The following GRIN2A variants were observed in gnomAD, a reference collection of about 807,000 sequenced individuals.
The protein encoded by GRIN2A is glutamate receptor ionotropic, NMDA 2A.
In GRIN2A, 22 loss-of-function variants were observed where a neutral mutation model predicts 113.4. The ratio of observed to expected loss-of-function variants is 0.19; its 90% CI spans 0.14 to 0.28. GRIN2A has a LOEUF of 0.28. GRIN2A is among the 10% of genes least tolerant of loss of function. The pLI is 1.00. For synonymous variants in GRIN2A, 827 were observed against 738.4 expected (o/e 1.12, Z -1.94); for missense variants, 1,502 against 1,887.0 (o/e 0.80, Z 3.78).
chr16:10,147,417 T>C (rs35001046), intron 2 of GRIN2A, among the ~76,000 whole-genome samples: 88,381 of 144,568 alleles, frequency 0.61, 27,322 homozygotes, highest in East Asian at 0.92. Flanking sequence ...GAGACCAGGC[T>C]TGGGCAACAT....
chr16:9,930,392 A>C (rs907440885), intron 3 of GRIN2A, among the ~76,000 whole-genome samples: 1 of 152,222 alleles, frequency 6.6e-6, no homozygotes, highest in African/African-American at 2.4e-5. Context: ...GGGTTTGAAC[A>C]CAGCACTGTC....
At chr16:10,159,595 G>A (rs746747228) in intron 2 of GRIN2A, among the ~76,000 whole-genome samples, 7 of 152,128 alleles carry the variant, frequency 4.6e-5, no homozygotes, top group Non-Finnish European at 5.9e-5. Flanking sequence ...AACAAGCAGC[G>A]GAGTCTGTCA....
chr16:9,948,599 G>T (rs1451999052), intron 2 of GRIN2A, among the ~76,000 whole-genome samples: 5 of 152,192 alleles, frequency 3.3e-5, no homozygotes, highest in Non-Finnish European at 7.3e-5. Context: ...ACCACCGTGT[G>T]TTTCCTTCAG....
At chr16:10,128,091 C>A (rs35181140) in intron 2 of GRIN2A, among the ~76,000 whole-genome samples, 13,782 of 152,194 alleles carry the variant, frequency 0.091, 664 homozygotes, top group Middle Eastern at 0.12. Context: ...TTGTTGGCAA[C>A]GTCCCATGCT....
intron 2 of GRIN2A, among the ~76,000 whole-genome samples, chr16:9,954,377 C>A (rs2045258066): frequency 6.6e-6 from 1 of 152,140 alleles, no homozygotes; most frequent in African/African-American, 2.4e-5. Flanking sequence ...TTCCTAGACA[C>A]TCTCTGGAGT....
intron 2 of GRIN2A, chr16:10,112,850 T>C (rs573596265): frequency 2.3e-5 from 13 of 571,512 alleles, no homozygotes; most frequent in Non-Finnish European, 4.0e-5. Context: ...GTGGCGTCCA[T>C]GGCCTGCACG....
At chr16:9,948,226 C>T (rs1242269002) in intron 2 of GRIN2A, among the ~76,000 whole-genome samples, 1 of 152,204 alleles carries the variant, frequency 6.6e-6, no homozygotes. Context: ...TTAATCCTCA[C>T]ACTAATGTTT....
intron 2 of GRIN2A, among the ~76,000 whole-genome samples, chr16:10,067,391 T>C (rs1567274469): frequency 1.4e-5 from 2 of 140,044 alleles, no homozygotes; most frequent in African/African-American, 3.4e-5. Context: ...GTTTATCTCA[T>C]GCTGAACAAT....
At chr16:10,055,596 C>G (rs571501731) in intron 2 of GRIN2A, among the ~76,000 whole-genome samples, 4 of 152,350 alleles carry the variant, frequency 2.6e-5, no homozygotes, top group South Asian at 4.1e-4. Flanking sequence ...GTGAATCCAT[C>G]TGGCACCAAG....
intron 2 of GRIN2A, among the ~76,000 whole-genome samples, chr16:9,983,952 T>G (rs1596387530): frequency 6.6e-6 from 1 of 152,360 alleles, no homozygotes; most frequent in East Asian, 1.9e-4. Flanking sequence ...CATACAGAAG[T>G]TCTACTTTTA....
At chr16:9,861,056 T>C (rs1359032639) in intron 4 of GRIN2A, among the ~76,000 whole-genome samples, 1 of 152,150 alleles carries the variant, frequency 6.6e-6, no homozygotes, top group Non-Finnish European at 1.5e-5. Context: ...AGACAGGAAA[T>C]TTATTAAAAC....
chr16:9,755,242 AT>A lies in GRIN2A; in HGVS notation c.*7906del, dbSNP rs1900305825. ...CTGAGGAATGACTTCATTTTAAGCA[AT>A]TTAGTTCTGGTTCCCTGGAGAGTTG... On this transcript the variant is annotated 3_prime_UTR_variant, in exon 13 of 13. Transcript: ENST00000330684. The A allele has an allele frequency of 5.4e-6, 1 of 186,266 alleles. No homozygotes were observed. The highest frequency in any genetic ancestry group is 2.0e-4 in the South Asian group (1 of 5,126). The allele number at this position is 186,266 out of a possible 1,614,324, so 11.5% of individuals were successfully genotyped here.
chr16:10,098,835 A>G (rs576713625), intron 2 of GRIN2A, among the ~76,000 whole-genome samples: 6 of 152,254 alleles, frequency 3.9e-5, no homozygotes, highest in African/African-American at 7.2e-5. Context: ...AAAAGACTAC[A>G]AATTGGATTA....
At chr16:9,885,881 C>G (rs2043577264) in intron 4 of GRIN2A, among the ~76,000 whole-genome samples, 1 of 152,222 alleles carries the variant, frequency 6.6e-6, no homozygotes, top group Admixed American at 6.5e-5. Flanking sequence ...GCATTCTAAG[C>G]TCAACTCAGC....
intron 3 of GRIN2A, among the ~76,000 whole-genome samples, chr16:9,900,053 C>T (rs566252190): frequency 2.4e-4 from 37 of 152,278 alleles, no homozygotes; most frequent in South Asian, 1.2e-3. Flanking sequence ...AGATACACAA[C>T]GTGATAAAGG....
intron 2 of GRIN2A, among the ~76,000 whole-genome samples, chr16:10,053,004 C>T (rs1485708217): frequency 7.4e-5 from 11 of 149,582 alleles, no homozygotes; most frequent in African/African-American, 2.0e-4. Context: ...GCAGAGATCA[C>T]GCCATTGCAC....
intron 4 of GRIN2A, among the ~76,000 whole-genome samples, chr16:9,881,595 T>C (rs919309622): frequency 6.6e-6 from 1 of 152,182 alleles, no homozygotes; most frequent in Non-Finnish European, 1.5e-5. Context: ...AAAAAGCCCA[T>C]ACTAAAAGAT....
At chr16:10,109,337 C>T (rs2142138526) in intron 2 of GRIN2A, among the ~76,000 whole-genome samples, 1 of 112,768 alleles carries the variant, frequency 8.9e-6, no homozygotes, top group Non-Finnish European at 2.2e-5. Flanking sequence ...CTCTATAAAA[C>T]ATTTAAGGAA....
At chr16:10,107,396 G>C (rs796886681) in intron 2 of GRIN2A, among the ~76,000 whole-genome samples, 1 of 152,184 alleles carries the variant, frequency 6.6e-6, no homozygotes, top group Admixed American at 6.5e-5. Context: ...CTCCAACTCT[G>C]GTGTTGAAAC....
Sources: gnomAD v4.1 joint callset for allele counts (sites outside exome capture counted in the v4.1 genomes callset) on GRCh38, gnomAD v4.1.1 for gene constraint, MANE v1.5 for transcripts, NCBI Gene and HGNC (gene_info 2026-07-23, HGNC 2026-07-21) for gene names.